Variants in CFAP77 observed in about 807,000 individuals in gnomAD.
CFAP77 encodes cilia- and flagella-associated protein 77.
A neutral mutation model predicts 31.1 loss-of-function variants in CFAP77; 25 were observed. The ratio of observed to expected loss-of-function variants is 0.80; its 90% CI spans 0.59 to 1.12. CFAP77 has a LOEUF of 1.12. Among genes scored for constraint, CFAP77 ranks in the 50% most tolerant of loss-of-function variants. The pLI, the probability that CFAP77 is intolerant of heterozygous loss-of-function variation, is 0.00. For synonymous variants in CFAP77, 151 were observed against 159.9 expected, an observed-to-expected ratio of 0.94 and a Z score of 0.42; for missense variants, 377 against 397.3, an observed-to-expected ratio of 0.95 and a Z score of 0.44.
At chr9:132,556,331 CG>C (rs1852905135) in intron 5 of CFAP77, among the ~76,000 whole-genome samples, 1 of 152,176 alleles carries the variant, frequency 6.6e-6, no homozygotes, top group Admixed American at 6.5e-5. Flanking sequence ...TATTTCTAAG[CG>C]GGGGTGGGCA....
At chr9:132,557,413 A>C (rs995077824) in intron 5 of CFAP77, among the ~76,000 whole-genome samples, 7 of 152,214 alleles carry the variant, frequency 4.6e-5, no homozygotes, top group African/African-American at 1.7e-4. Context: ...GTCGACTCTC[A>C]GAGCCTGCTG....
At chr9:132,456,020 C>T (rs1325505849) in intron 1 of CFAP77, among the ~76,000 whole-genome samples, 1 of 152,172 alleles carries the variant, frequency 6.6e-6, no homozygotes, top group Non-Finnish European at 1.5e-5. Context: ...ACTGCCGTGG[C>T]GATTCAATGA....
At chr9:132,451,405 G>A in intron 1 of CFAP77, among the ~76,000 whole-genome samples, 1 of 151,920 alleles carries the variant, frequency 6.6e-6, no homozygotes, top group Non-Finnish European at 1.5e-5. Context: ...ACAAACAGTG[G>A]TCTTTTAGCG....
chr9:132,448,107 G>A (rs974771381), intron 1 of CFAP77, among the ~76,000 whole-genome samples: 3 of 152,018 alleles, frequency 2.0e-5, no homozygotes, highest in African/African-American at 4.8e-5. Context: ...TAGCTTTTTC[G>A]TTTAATTCAG....
At chr9:132,562,273 A>G (rs1409840392) in intron 5 of CFAP77, among the ~76,000 whole-genome samples, 1 of 152,190 alleles carries the variant, frequency 6.6e-6, no homozygotes, top group African/African-American at 2.4e-5. Flanking sequence ...GTGTTCTCAT[A>G]TGAAAAAGAG....
chr9:132,561,646 CA>C (rs1829809983), intron 5 of CFAP77, among the ~76,000 whole-genome samples: 2 of 106,328 alleles, frequency 1.9e-5, no homozygotes, highest in South Asian at 2.7e-4. Flanking sequence ...CACACACACA[CA>C]CACACACACA....
intron 1 of CFAP77, among the ~76,000 whole-genome samples, chr9:132,479,442 T>TG (rs1371104083): frequency 2.6e-5 from 4 of 151,928 alleles, no homozygotes; most frequent in Non-Finnish European, 5.9e-5. Flanking sequence ...GGTGGGTGCA[T>TG]GGGGGAGGGC....
At position 132,470,991 on chromosome 9, in the gene CFAP77, T is replaced by A. The variant is rs142217150; in HGVS notation, c.196-27704T>A. 4.1e-4 allele frequency among the ~76,000 whole-genome samples: 62 copies of A among 152,348 alleles called. 1 individual carries two copies. In the East Asian group the frequency reaches 9.8e-3, roughly 24 times the overall value. ...AGACTCTGTTTCAAAAAATTTTTTT[T>A]AAATGATATTTTATAAATGGATATG... On this transcript the variant is annotated intron_variant, in intron 1 of 5. Coordinates refer to ENST00000393216, the MANE Select transcript of CFAP77 (RefSeq NM_001282957.2).
At chr9:132,416,534 G>T (rs1850103410) in intron 1 of CFAP77, among the ~76,000 whole-genome samples, 1 of 151,538 alleles carries the variant, frequency 6.6e-6, no homozygotes, top group South Asian at 2.1e-4. Flanking sequence ...GTAGAGACAG[G>T]GTTTCTCTGT....
At chr9:132,428,297 A>C (rs545529036) in intron 1 of CFAP77, among the ~76,000 whole-genome samples, 15 of 151,348 alleles carry the variant, frequency 9.9e-5, no homozygotes, top group Admixed American at 7.9e-4. Context: ...GGTGTGAGCC[A>C]CTGCGCCCAG....
At chr9:132,509,043 AGCGAGATGGCGGCT>A (rs1851985589) in intron 3 of CFAP77, among the ~76,000 whole-genome samples, 1 of 152,232 alleles carries the variant, frequency 6.6e-6, no homozygotes, top group Admixed American at 6.5e-5. Flanking sequence ...AGTCCTCAGC[AGCGAGATGGCGGCT>A]ACGAACAACA....
chr9:132,563,252 G>A (rs1011411835), intron 5 of CFAP77, among the ~76,000 whole-genome samples: 15 of 152,096 alleles, frequency 9.9e-5, no homozygotes, highest in African/African-American at 3.4e-4. Flanking sequence ...GAGTTTAAGC[G>A]ATTCTCCTGC....
chr9:132,459,948 G>A (rs1564212027), intron 1 of CFAP77, among the ~76,000 whole-genome samples: 1 of 151,950 alleles, frequency 6.6e-6, no homozygotes, highest in Non-Finnish European at 1.5e-5. Context: ...GTGTGTGTGA[G>A]TCTGAGTGCA....
At chr9:132,444,992 T>C (rs1399926959) in intron 1 of CFAP77, among the ~76,000 whole-genome samples, 31 of 150,670 alleles carry the variant, frequency 2.1e-4, no homozygotes, top group Middle Eastern at 3.4e-3. Flanking sequence ...TTTTTTTTTT[T>C]AGACAGGGTC....
intron 1 of CFAP77, among the ~76,000 whole-genome samples, chr9:132,415,842 T>C (rs1270446612): frequency 6.6e-6 from 1 of 152,222 alleles, no homozygotes; most frequent in Admixed American, 6.5e-5. Flanking sequence ...TTCAGGAGCA[T>C]TGGAGGTCTC....
chr9:132,422,871 A>C (rs1202249631), intron 1 of CFAP77, among the ~76,000 whole-genome samples: 1 of 152,218 alleles, frequency 6.6e-6, no homozygotes, highest in African/African-American at 2.4e-5. Flanking sequence ...TGGACATGTT[A>C]GTTGCATCCT....
chr9:132,571,395 C>T (rs1410875627), intron 5 of CFAP77, among the ~76,000 whole-genome samples: 1 of 152,168 alleles, frequency 6.6e-6, no homozygotes, highest in African/African-American at 2.4e-5. Context: ...CCAGGACCCA[C>T]CCAATTTGTT....
chr9:132,435,412 A>G (rs1285710043), intron 1 of CFAP77, among the ~76,000 whole-genome samples: 1 of 152,226 alleles, frequency 6.6e-6, no homozygotes, highest in African/African-American at 2.4e-5. Context: ...AGGATGAGCT[A>G]TCACCATGCG....
At chr9:132,415,165 G>C (rs772465898) in intron 1 of CFAP77, among the ~76,000 whole-genome samples, 3 of 152,172 alleles carry the variant, frequency 2.0e-5, no homozygotes, top group Non-Finnish European at 2.9e-5. Flanking sequence ...ATTTAAAAAT[G>C]AGCTGCCCAT....
Sources: allele counts gnomAD v4.1 joint callset (sites outside exome capture counted in the v4.1 genomes callset), GRCh38; gene constraint gnomAD v4.1.1; transcripts MANE v1.5; gene names NCBI Gene and HGNC (gene_info 2026-07-23, HGNC 2026-07-21).